The following THUMPD3 variants were observed in gnomAD, a reference collection of about 807,000 sequenced individuals.
THUMPD3 encodes tRNA (guanine(6)-N(2))-methyltransferase THUMP3.
In THUMPD3, 44 loss-of-function variants were observed where a neutral mutation model predicts 54.5. That is an observed-to-expected ratio of 0.81 (90% CI 0.63 to 1.04). The LOEUF (loss-of-function observed/expected upper bound fraction) is 1.04. THUMPD3 is among the 50% of genes least tolerant of loss of function. The pLI, the probability that THUMPD3 is intolerant of heterozygous loss-of-function variation, is 0.00. For synonymous variants in THUMPD3, 196 were observed against 201.4 expected (o/e 0.97, Z 0.23); for missense variants, 604 against 601.3 (o/e 1.00, Z -0.05).
At position 9,384,662 on chromosome 3, in the gene THUMPD3, G is replaced by A. The variant is rs182485177; in HGVS notation, c.1498G>A (p.Gly500Arg). Residue 500 changes from glycine (G) to arginine (R), a missense_variant, in exon 10 of 10, where the codon GGA becomes AGA. Physicochemically the swap from Gly to Arg is moderately radical, Grantham distance 125. Coordinates refer to ENST00000452837, the MANE Select transcript of THUMPD3 (RefSeq NM_001114092.2). Reference sequence around the variant, plus strand: ...TCCTTCAGAACAAGACGGAGAAAGAGGAACTCTTTGGCAATGCAAAGAATG... The same window carrying A: ...TCCTTCAGAACAAGACGGAGAAAGAAGAACTCTTTGGCAATGCAAAGAATG... ...VHPSEQDGER[G>R]TLWQCKE 152 of 1,614,126 alleles carry A rather than the reference G, an allele frequency of 9.4e-5. No homozygotes were observed. Among genetic ancestry groups the A allele is most frequent in the Non-Finnish European group, 1.3e-4 (150 of 1,180,014 alleles).
At position 9,374,646 on chromosome 3, in the gene THUMPD3, G is replaced by T. The variant is rs762378589; in HGVS notation, c.938G>T (p.Arg313Met). 6.2e-7 allele frequency: 1 copy of T among 1,612,786 alleles called. No homozygotes were observed. The highest frequency in any genetic ancestry group is 8.5e-7 in the Non-Finnish European group (1 of 1,179,538). The stretch of plus-strand genomic sequence containing the variant: ...TCAACTCTTGCCTATGGGATGCTCA[G>T]GTAAGAAAATGAGTTTGCCATCCAG... ...LRSTLAYGML[R>M]LCDPLPYDII... Residue 313 changes from arginine to methionine, a missense_variant and splice_region_variant, in exon 5 of 10, where the codon AGG becomes ATG. Physicochemically the swap from Arg to Met is moderately conservative, Grantham distance 91. Coordinates refer to ENST00000452837, the MANE Select transcript of THUMPD3 (RefSeq NM_001114092.2).
chr3:9,367,244 G>C (rs2031638771), intron 3 of THUMPD3, among the ~76,000 whole-genome samples: 1 of 152,190 alleles, frequency 6.6e-6, no homozygotes, highest in Admixed American at 6.5e-5. Context: ...ATAAACCTTA[G>C]ATTTGCTTTG....
chr3:9,380,393 T>C (rs1481741316), intron 6 of THUMPD3, 110 bp from the exon 7 acceptor site: 1 of 689,296 alleles, frequency 1.5e-6, no homozygotes. Context: ...GTTGACAACA[T>C]GCAATGTTTT....
In THUMPD3 at chr3:9,384,648, A is replaced by G. The variant is rs1342081839; in HGVS notation, c.1484A>G (p.Gln495Arg). ...TPQAFVHPSE[Q>R]DGERGTLWQC... ...CAAGCTTTTGTTCATCCTTCAGAACAAGACGGAGAAAGAGGAACTCTTTGG... is the reference window on the plus strand; with the variant it reads ...CAAGCTTTTGTTCATCCTTCAGAACGAGACGGAGAAAGAGGAACTCTTTGG... The change falls in exon 10 of 10, where the codon CAA becomes CGA. Residue 495 changes from glutamine (Q) to arginine (R), a missense_variant. By Grantham distance (43) the Gln-to-Arg change is conservative. Transcript: ENST00000452837. 3 of 1,614,238 alleles carry G rather than the reference A, an allele frequency of 1.9e-6. No individual in the cohort carries two copies. The highest frequency in any genetic ancestry group is 1.7e-6 in the Non-Finnish European group (2 of 1,180,036).
intron 6 of THUMPD3, among the ~76,000 whole-genome samples, chr3:9,379,850 C>A (rs1350449980): frequency 6.6e-6 from 1 of 152,046 alleles, no homozygotes; most frequent in Non-Finnish European, 1.5e-5. Flanking sequence ...CACCATCACA[C>A]CCAGCTGATT....
At chr3:9,369,309 CAAAAA>C (rs779602979) in intron 3 of THUMPD3, among the ~76,000 whole-genome samples, 1 of 60,844 alleles carries the variant, frequency 1.6e-5, no homozygotes, top group Admixed American at 2.7e-4. Context: ...GACTCCGTCT[CAAAAA>C]AAAAAAAAAA....
At chr3:9,370,467 C>T (rs1241012059) in intron 3 of THUMPD3, among the ~76,000 whole-genome samples, 1 of 152,232 alleles carries the variant, frequency 6.6e-6, no homozygotes. Flanking sequence ...TTTTTTTAGA[C>T]AAGATCTTGC....
chr3:9,378,501 G>A (rs938214697), intron 6 of THUMPD3, among the ~76,000 whole-genome samples: 1 of 152,174 alleles, frequency 6.6e-6, no homozygotes, highest in African/African-American at 2.4e-5. Flanking sequence ...TGTTTTTAAA[G>A]AATTTAGAAG....
At position 9,371,524 on chromosome 3, in the gene THUMPD3, CTT is replaced by C; in HGVS notation, c.797_798del (p.Phe266Ter). 6.2e-7 allele frequency: 1 copy of C among 1,612,292 alleles called. No individual in the cohort carries two copies. Among genetic ancestry groups the C allele is most frequent in the Non-Finnish European group, 8.5e-7 (1 of 1,179,042 alleles). The part of the protein sequence containing the change: ...YFKWKADMTN[F>X]DVEVLLNIHD... ...TTAAGTGGAAGGCCGACATGACCAACTTTGATGTGGAGGTAGGTATAGGCTCT... is the reference window on the plus strand; with the variant it reads ...TTAAGTGGAAGGCCGACATGACCAACTGATGTGGAGGTAGGTATAGGCTCT... On this transcript the variant is annotated frameshift_variant, in exon 4 of 10. Transcript: ENST00000452837. LOFTEE classifies it high-confidence loss of function.
chr3:9,384,155 A>G, intron 8 of THUMPD3, 57 bp from the exon 9 acceptor site: 2 of 1,580,018 alleles, frequency 1.3e-6, no homozygotes, highest in Non-Finnish European at 1.7e-6. Flanking sequence ...TGTTTCATAT[A>G]GTCCTTCTAT....
chr3:9,365,448 G>C, intron 2 of THUMPD3, 128 bp downstream of exon 2: 2 of 1,176,178 alleles, frequency 1.7e-6, no homozygotes, highest in Non-Finnish European at 2.4e-6. Context: ...TGATTTTAAA[G>C]TTACTGCATT....
intron 5 of THUMPD3, among the ~76,000 whole-genome samples, chr3:9,375,677 A>G (rs1355917967): frequency 6.6e-6 from 1 of 152,374 alleles, no homozygotes; most frequent in East Asian, 1.9e-4. Flanking sequence ...AAAATGTGTC[A>G]TCACGCAATT....
At chr3:9,379,189 A>G (rs1424602543) in intron 6 of THUMPD3, among the ~76,000 whole-genome samples, 1 of 151,780 alleles carries the variant, frequency 6.6e-6, no homozygotes, top group Non-Finnish European at 1.5e-5. Flanking sequence ...ATTCTTTCCA[A>G]TGCTGAAAAT....
rs2033232624 is a variant in THUMPD3, at chr3:9,384,966, CCT to C, written c.*279_*280del. 1 of 326,194 alleles carries C rather than the reference CCT, an allele frequency of 3.1e-6. No homozygotes were observed. The highest frequency in any genetic ancestry group is 4.4e-5 in the Admixed American group (1 of 22,628). 20.2% of individuals were successfully genotyped at this position (326,194 alleles called of 1,614,324 possible). On this transcript the variant is annotated 3_prime_UTR_variant, in exon 10 of 10. Coordinates refer to ENST00000452837, the MANE Select transcript of THUMPD3 (RefSeq NM_001114092.2). The stretch of plus-strand genomic sequence containing the variant: ...ACCAGCCTGGCCAACATGGTGAAAC[CCT>C]GTCTCTACTAGAAATACAAAAATTA...
Position 9,366,998 on chromosome 3 carries a change from A to C in THUMPD3, c.330+13A>C, listed in dbSNP as rs376191224. ...CAAACAAACAAAGGTGAGCTATCCTAAACATGGTGGCTGATTTTTGGCTGT... is the reference window on the plus strand; with the variant it reads ...CAAACAAACAAAGGTGAGCTATCCTCAACATGGTGGCTGATTTTTGGCTGT... On this transcript the variant is annotated intron_variant, in intron 3 of 9. Coordinates refer to ENST00000452837, the MANE Select transcript of THUMPD3 (RefSeq NM_001114092.2). The C allele has an allele frequency of 8.7e-6, 14 of 1,600,498 alleles. No homozygotes were observed. The highest frequency in any genetic ancestry group is 1.1e-5 in the Non-Finnish European group (13 of 1,173,756).
intron 4 of THUMPD3, 70 bp downstream of exon 4, chr3:9,371,606 C>A: frequency 8.0e-7 from 1 of 1,257,094 alleles, no homozygotes; most frequent in Non-Finnish European, 1.1e-6. Context: ...CAGACTAACC[C>A]AATGTTATGC....
At position 9,386,672 on chromosome 3, in the gene THUMPD3, GT is replaced by G. The variant is rs1286216872; in HGVS notation, c.*1986del. On this transcript the variant is annotated 3_prime_UTR_variant, in exon 10 of 10. Transcript: ENST00000452837. ...CAGGATTCATAAGGCCTGGAGCTGAGTTATATGTGACACTGCCACCTATTCA... is the reference window on the plus strand; with the variant it reads ...CAGGATTCATAAGGCCTGGAGCTGAGTATATGTGACACTGCCACCTATTCA... 1 of 152,044 alleles carries G rather than the reference GT, an allele frequency of 6.6e-6. No individual in the cohort carries two copies. The highest frequency in any genetic ancestry group is 1.5e-5 in the Non-Finnish European group (1 of 68,036). The allele number at this position is 152,044 out of a possible 1,614,324, so 9.4% of individuals were successfully genotyped here.
intron 6 of THUMPD3, among the ~76,000 whole-genome samples, chr3:9,380,024 A>G (rs1417923211): frequency 1.3e-5 from 2 of 152,268 alleles, no homozygotes; most frequent in East Asian, 1.9e-4. Flanking sequence ...TTTCAAATAT[A>G]TCAGATTATG....
chr3:9,364,243 C>T (rs113486489), intron 1 of THUMPD3, among the ~76,000 whole-genome samples: 3,609 of 151,972 alleles, frequency 0.024, 140 homozygotes, highest in African/African-American at 0.079. Flanking sequence ...AATTAATTTG[C>T]CATAAGTCAT....
Sources: allele counts gnomAD v4.1 joint callset (sites outside exome capture counted in the v4.1 genomes callset), GRCh38; gene constraint gnomAD v4.1.1; transcripts MANE v1.5; gene names NCBI Gene and HGNC (gene_info 2026-07-23, HGNC 2026-07-21).